Variants in PAIP2 observed in about 807,000 individuals in gnomAD.
PAIP2 encodes poly(A) binding protein interacting protein 2.
A neutral mutation model predicts 14.8 loss-of-function variants in PAIP2; 7 were observed. The ratio of observed to expected loss-of-function variants is 0.47; its 90% CI spans 0.27 to 0.89. PAIP2 has a LOEUF of 0.89. PAIP2 is among the 40% of genes least tolerant of loss of function. PAIP2 has a pLI of 0.13. For synonymous variants in PAIP2, 47 were observed against 45.3 expected (o/e 1.04, Z -0.15); for missense variants, 122 against 154.7 (o/e 0.79, Z 1.12).
chr5:139,350,314 T>C (rs749051273), intron 1 of PAIP2, among the ~76,000 whole-genome samples: 30 of 152,128 alleles, frequency 2.0e-4, no homozygotes, highest in Admixed American at 3.3e-4. Context: ...GAGTGTAATA[T>C]ATACATCATT....
intron 1 of PAIP2, among the ~76,000 whole-genome samples, chr5:139,348,958 G>C (rs1268609894): frequency 6.6e-6 from 1 of 152,192 alleles, no homozygotes. Flanking sequence ...TTACAAGCGT[G>C]AGCCACTGTG....
At chr5:139,347,877 A>G (rs571932657) in intron 1 of PAIP2, among the ~76,000 whole-genome samples, 2 of 152,290 alleles carry the variant, frequency 1.3e-5, no homozygotes, top group South Asian at 4.1e-4. Flanking sequence ...GATGATGAAT[A>G]TAAGAAACAA....
intron 1 of PAIP2, among the ~76,000 whole-genome samples, chr5:139,361,747 C>G (rs534555878): frequency 1.3e-5 from 2 of 152,148 alleles, no homozygotes; most frequent in Non-Finnish European, 2.9e-5. Context: ...GAGTTCAAGG[C>G]TAGCCTGGCC....
intron 1 of PAIP2, among the ~76,000 whole-genome samples, chr5:139,350,885 CAT>C (rs1474508510): frequency 1.3e-5 from 2 of 151,950 alleles, no homozygotes; most frequent in African/African-American, 4.8e-5. Flanking sequence ...TTATGATAAA[CAT>C]GAGGAATAAG....
intron 1 of PAIP2, among the ~76,000 whole-genome samples, chr5:139,347,544 G>T (rs902774440): frequency 6.6e-6 from 1 of 151,994 alleles, no homozygotes; most frequent in African/African-American, 2.4e-5. Context: ...AAAGTGGTGG[G>T]ATTACAGGCC....
intron 1 of PAIP2, among the ~76,000 whole-genome samples, chr5:139,346,415 T>C (rs1433607156): frequency 1.0e-4 from 15 of 149,674 alleles, no homozygotes; most frequent in African/African-American, 3.7e-4. Context: ...CTAATGTTTG[T>C]ATTTTTAGAG....
At chr5:139,359,711 T>G (rs1017578832) in intron 1 of PAIP2, among the ~76,000 whole-genome samples, 9 of 151,652 alleles carry the variant, frequency 5.9e-5, no homozygotes, top group African/African-American at 2.2e-4. Context: ...GGCTCATGCC[T>G]GTAATCCCAG....
At chr5:139,366,220 A>AAC (rs1757242514) in intron 3 of PAIP2, among the ~76,000 whole-genome samples, 1 of 151,632 alleles carries the variant, frequency 6.6e-6, no homozygotes, top group Non-Finnish European at 1.5e-5. Context: ...AAAAAAAAAA[A>AAC]AAAAGCGGGG....
At chr5:139,347,636 A>T (rs1756592526) in intron 1 of PAIP2, among the ~76,000 whole-genome samples, 1 of 152,136 alleles carries the variant, frequency 6.6e-6, no homozygotes, top group Non-Finnish European at 1.5e-5. Context: ...AGATACACCT[A>T]ATGCTAAATG....
chr5:139,342,303 T>G (rs1756404198), intron 1 of PAIP2: 1 of 152,178 alleles, frequency 6.6e-6, no homozygotes, highest in Admixed American at 6.5e-5. Context: ...CTCCCGGTCC[T>G]TTATCCCTCC....
At chr5:139,345,158 G>A (rs368354974) in intron 1 of PAIP2, among the ~76,000 whole-genome samples, 5 of 152,028 alleles carry the variant, frequency 3.3e-5, no homozygotes, top group African/African-American at 1.2e-4. Context: ...CCATTCTTCT[G>A]CCTCAGCCTC....
In PAIP2 at chr5:139,364,786, T is replaced by C. The variant is rs1561964549; in HGVS notation, c.318+43T>C. On this transcript the variant is annotated intron_variant, in intron 3 of 3. Coordinates refer to ENST00000265192, the MANE Select transcript of PAIP2 (RefSeq NM_016480.5). Reference sequence around the variant, plus strand: ...ATCTTTTTAAAACCTAGTGCATCTTTTGCATAAGTGGAAAAGCCAGCTCCC... The same window carrying C: ...ATCTTTTTAAAACCTAGTGCATCTTCTGCATAAGTGGAAAAGCCAGCTCCC... The C allele has an allele frequency of 3.0e-6, 4 of 1,322,518 alleles. No individual in the cohort carries two copies. In the Admixed American group the frequency reaches 5.6e-5, roughly 19 times the overall value. The allele number at this position is 1,322,518 out of a possible 1,614,324, so 81.9% of individuals were successfully genotyped here.
At position 139,368,879 on chromosome 5, in the gene PAIP2, T is replaced by C. The variant is rs961664971; in HGVS notation, c.*81T>C. On this transcript the variant is annotated 3_prime_UTR_variant, in exon 4 of 4. Transcript: ENST00000265192. ...TATTAGAAGACTTAATTGTAAAAGCTCTCTTGTCACTGTGTTACACTTATG... is the reference window on the plus strand; with the variant it reads ...TATTAGAAGACTTAATTGTAAAAGCCCTCTTGTCACTGTGTTACACTTATG... 9.4e-7 allele frequency: 1 copy of C among 1,066,142 alleles called. No homozygotes were observed. Among genetic ancestry groups the C allele is most frequent in the Non-Finnish European group, 1.4e-6 (1 of 694,526 alleles). 66.0% of individuals were successfully genotyped at this position (1,066,142 alleles called of 1,614,324 possible).
At chr5:139,346,782 C>G (rs1368987118) in intron 1 of PAIP2, among the ~76,000 whole-genome samples, 1 of 152,012 alleles carries the variant, frequency 6.6e-6, no homozygotes, top group Admixed American at 6.6e-5. Context: ...CCCCCTTTGG[C>G]CTCCCAAAGT....
chr5:139,363,647 G>A (rs1420172962), intron 1 of PAIP2, 112 bp from the exon 2 acceptor site: 16 of 858,996 alleles, frequency 1.9e-5, no homozygotes, highest in Non-Finnish European at 2.8e-5. Context: ...AGGCTGTGGT[G>A]AGCCATGATC....
intron 1 of PAIP2, among the ~76,000 whole-genome samples, chr5:139,352,973 G>A (rs1284430702): frequency 2.6e-5 from 4 of 151,840 alleles, no homozygotes; most frequent in African/African-American, 4.8e-5. Context: ...AAAGTTAGCC[G>A]GGCGTGGTGG....
intron 1 of PAIP2, chr5:139,342,813 AG>A (rs1756423069): frequency 6.6e-6 from 1 of 152,198 alleles, no homozygotes; most frequent in Non-Finnish European, 1.5e-5. Flanking sequence ...GACTCCTAAA[AG>A]GGGTCTTACC....
intron 1 of PAIP2, among the ~76,000 whole-genome samples, chr5:139,356,542 C>T (rs566113414): frequency 6.6e-6 from 1 of 152,014 alleles, no homozygotes; most frequent in Non-Finnish European, 1.5e-5. Context: ...TGTGTATGGG[C>T]CATACTTTTT....
chr5:139,364,468 C>T, intron 2 of PAIP2, 96 bp from the exon 3 acceptor site: 1 of 670,366 alleles, frequency 1.5e-6, no homozygotes, highest in Admixed American at 3.0e-5. Context: ...GAAAGTATGA[C>T]TTTGTGCCTT....
Sources: allele counts gnomAD v4.1 joint callset (sites outside exome capture counted in the v4.1 genomes callset), GRCh38; gene constraint gnomAD v4.1.1; transcripts MANE v1.5; gene names NCBI Gene and HGNC (gene_info 2026-07-23, HGNC 2026-07-21).